NRXN3: variants seen among roughly 807,000 people sequenced by gnomAD.
NRXN3 encodes the protein neurexin III.
In NRXN3, 32 loss-of-function variants were observed where a neutral mutation model predicts 137.6. That is an observed-to-expected ratio of 0.23 (90% CI 0.18 to 0.31). The LOEUF (loss-of-function observed/expected upper bound fraction) is 0.31. Among genes scored for constraint, NRXN3 ranks in the 10% least tolerant of loss-of-function variants. NRXN3 has a pLI of 1.00. For missense variants in NRXN3, 1,574 were observed against 2,062.5 expected, an observed-to-expected ratio of 0.76 and a Z score of 4.59; for synonymous variants, 798 against 784.5, an observed-to-expected ratio of 1.02 and a Z score of -0.29.
intron 1 of NRXN3, among the ~76,000 whole-genome samples, chr14:78,187,263 GTGTT>G (rs2060307840): frequency 1.7e-5 from 2 of 116,124 alleles, no homozygotes; most frequent in African/African-American, 2.7e-5. Context: ...TGGTGTGTGT[GTGTT>G]TTTTTTTTTT....
intron 19 of NRXN3, among the ~76,000 whole-genome samples, chr14:79,751,967 G>C (rs926495830): frequency 1.3e-5 from 2 of 152,084 alleles, no homozygotes; most frequent in African/African-American, 4.8e-5. Context: ...TGCTGGATTC[G>C]GTTTGCCAGT....
chr14:78,264,456 C>T (rs1236625917), intron 2 of NRXN3, among the ~76,000 whole-genome samples: 1 of 152,122 alleles, frequency 6.6e-6, no homozygotes, highest in African/African-American at 2.4e-5. Context: ...AAAATCCTCT[C>T]TTGTGGAAAA....
rs569408753 is a variant in NRXN3, at chr14:79,770,775, A to G, written c.4015-34337A>G. On this transcript the variant is annotated intron_variant, in intron 19 of 20. Transcript: ENST00000335750. Reference sequence around the variant, plus strand: ...CAGAAGGCAAGAAATAACTAAAATCAGAGCAGAACTGAAGGAAATAGAGAC... The same window carrying G: ...CAGAAGGCAAGAAATAACTAAAATCGGAGCAGAACTGAAGGAAATAGAGAC... Among the ~76,000 whole-genome samples, 14 of 151,680 alleles carry G rather than the reference A, an allele frequency of 9.2e-5. No individual in the cohort carries two copies. In the South Asian group the frequency reaches 2.7e-3, roughly 29 times the overall value.
chr14:78,211,986 A>G (rs910823914), intron 1 of NRXN3, among the ~76,000 whole-genome samples: 2 of 152,142 alleles, frequency 1.3e-5, no homozygotes, highest in African/African-American at 4.8e-5. Context: ...TCCTTTAGAA[A>G]GTATGGGAGC....
At chr14:78,302,257 A>G (rs2076947119) in intron 4 of NRXN3, among the ~76,000 whole-genome samples, 1 of 152,090 alleles carries the variant, frequency 6.6e-6, no homozygotes, top group South Asian at 2.1e-4. Flanking sequence ...GCACGTGAGT[A>G]TCTTATTTTC....
At chr14:78,358,543 T>C (rs1254633726) in intron 4 of NRXN3, among the ~76,000 whole-genome samples, 1 of 152,214 alleles carries the variant, frequency 6.6e-6, no homozygotes, top group Non-Finnish European at 1.5e-5. Flanking sequence ...GCTTCTCCAA[T>C]GCATGTTGAG....
rs1275211456 is a variant in NRXN3 at position 79,866,091 on chromosome 14, G to A, written c.*4127G>A. 1 of 152,166 alleles carries A rather than the reference G, an allele frequency of 6.6e-6. No homozygotes were observed. Among genetic ancestry groups the A allele is most frequent in the African/African-American group, 2.4e-5 (1 of 41,434 alleles). 9.4% of individuals were successfully genotyped at this position (152,166 alleles called of 1,614,324 possible). ...CAATGAAGGCAGAAAATGGCTAGAA[G>A]GATTTTAAGCCTTTTTGTCTCTTGT... On this transcript the variant is annotated 3_prime_UTR_variant, in exon 21 of 21. Coordinates refer to ENST00000335750, the MANE Select transcript of NRXN3 (RefSeq NM_001330195.2).
At chr14:78,895,141 T>A (rs1053949506) in intron 10 of NRXN3, among the ~76,000 whole-genome samples, 5 of 151,762 alleles carry the variant, frequency 3.3e-5, no homozygotes, top group Non-Finnish European at 5.9e-5. Context: ...TGAAGTCAGG[T>A]ATTGATGTCT....
chr14:78,366,207 A>G (rs529694061), intron 4 of NRXN3, among the ~76,000 whole-genome samples: 2 of 152,338 alleles, frequency 1.3e-5, no homozygotes, highest in Admixed American at 1.3e-4. Flanking sequence ...GCTAGCTATT[A>G]TAATACCACC....
intron 16 of NRXN3, among the ~76,000 whole-genome samples, chr14:79,496,019 T>C (rs1421980582): frequency 6.6e-6 from 1 of 151,860 alleles, no homozygotes. Context: ...AGGGCAAACA[T>C]TGAGCAATGT....
chr14:79,745,176 T>C (rs1178898513), intron 19 of NRXN3, among the ~76,000 whole-genome samples: 2 of 152,126 alleles, frequency 1.3e-5, no homozygotes, highest in Non-Finnish European at 2.9e-5. Context: ...GTTAATTTCA[T>C]TGCTCAGTGA....
chr14:78,877,457 T>TTGAAGTGAGATTCCAA (rs1482145127), intron 10 of NRXN3, among the ~76,000 whole-genome samples: 2 of 152,176 alleles, frequency 1.3e-5, no homozygotes, highest in Admixed American at 1.3e-4. Context: ...CCATTTCAGT[T>TTGAAGTGAGATTCCAA]GATCTTCCTT....
chr14:79,229,766 C>G (rs2071783034), intron 15 of NRXN3, among the ~76,000 whole-genome samples: 1 of 152,108 alleles, frequency 6.6e-6, no homozygotes. Flanking sequence ...GCGTCTCTGT[C>G]TTTTTCCTCC....
chr14:79,325,045 T>G (rs1043310035), intron 15 of NRXN3, among the ~76,000 whole-genome samples: 1 of 152,190 alleles, frequency 6.6e-6, no homozygotes, highest in Non-Finnish European at 1.5e-5. Context: ...TTTGTATACA[T>G]TTATCTCTTG....
intron 8 of NRXN3, among the ~76,000 whole-genome samples, chr14:78,739,165 C>T (rs2098553547): frequency 6.6e-6 from 1 of 152,194 alleles, no homozygotes; most frequent in South Asian, 2.1e-4. Context: ...CATTTTTCCT[C>T]TACCATGACC....
At chr14:79,758,411 G>A (rs1030002326) in intron 19 of NRXN3, among the ~76,000 whole-genome samples, 3 of 151,904 alleles carry the variant, frequency 2.0e-5, no homozygotes, top group African/African-American at 7.3e-5. Context: ...GAGAGGGAGA[G>A]CAAGAGAGAG....
At chr14:79,148,451 G>A (rs558473116) in intron 15 of NRXN3, among the ~76,000 whole-genome samples, 1 of 152,288 alleles carries the variant, frequency 6.6e-6, no homozygotes, top group East Asian at 1.9e-4. Flanking sequence ...GAGTAGGGAT[G>A]TGTTTGCACT....
chr14:78,609,822 T>C (rs994245991), intron 4 of NRXN3, among the ~76,000 whole-genome samples: 2 of 152,162 alleles, frequency 1.3e-5, no homozygotes, highest in African/African-American at 4.8e-5. Context: ...CAAGTACTAA[T>C]GGGGCTTGGG....
intron 4 of NRXN3, among the ~76,000 whole-genome samples, chr14:78,319,534 A>G (rs1290053764): frequency 1.3e-5 from 2 of 152,166 alleles, no homozygotes; most frequent in African/African-American, 2.4e-5. Flanking sequence ...TGTAATTATC[A>G]ATAGGAAACT....
Sources: allele counts gnomAD v4.1 joint callset (sites outside exome capture counted in the v4.1 genomes callset), GRCh38; gene constraint gnomAD v4.1.1; transcripts MANE v1.5; gene names NCBI Gene and HGNC (gene_info 2026-07-23, HGNC 2026-07-21).